Variants in RPS6KA2 observed in about 807,000 individuals in gnomAD.
RPS6KA2 encodes ribosomal protein S6 kinase alpha-2.
A neutral mutation model predicts 91.8 loss-of-function variants in RPS6KA2; 42 were observed. That is an observed-to-expected ratio of 0.46 (90% CI 0.36 to 0.59). The LOEUF (loss-of-function observed/expected upper bound fraction) is 0.59. Among genes scored for constraint, RPS6KA2 ranks in the 20% least tolerant of loss-of-function variants. The pLI is 0.00. For synonymous variants in RPS6KA2, 414 were observed against 393.6 expected (o/e 1.05, Z -0.61); for missense variants, 798 against 978.5 (o/e 0.82, Z 2.46).
intron 1 of RPS6KA2, among the ~76,000 whole-genome samples, chr6:166,619,358 A>T (rs897169798): frequency 6.6e-6 from 1 of 152,250 alleles, no homozygotes; most frequent in African/African-American, 2.4e-5. Context: ...CTAAAAATAA[A>T]TGCTCTTTTG....
intron 12 of RPS6KA2, among the ~76,000 whole-genome samples, chr6:166,457,797 C>T (rs1007335082): frequency 2.0e-5 from 3 of 152,220 alleles, no homozygotes; most frequent in African/African-American, 7.2e-5. Context: ...GGGATTTCAC[C>T]AACAGCTGAA....
chr6:166,600,752 T>G (rs1454278086), intron 1 of RPS6KA2, among the ~76,000 whole-genome samples: 2 of 152,248 alleles, frequency 1.3e-5, no homozygotes, highest in Non-Finnish European at 2.9e-5. Flanking sequence ...AAAATGAAAT[T>G]TCAGATGTGT....
At chr6:166,538,920 C>A in intron 1 of RPS6KA2, 136 bp from the exon 2 acceptor site, 1 of 549,440 alleles carries the variant, frequency 1.8e-6, no homozygotes, top group Admixed American at 2.7e-5. Flanking sequence ...AGTGGAGACA[C>A]CATTTAGTTG....
chr6:166,717,472 G>A (rs1436327574), intron 2 of RPS6KA2, among the ~76,000 whole-genome samples: 3 of 152,212 alleles, frequency 2.0e-5, no homozygotes. Context: ...AGAATGGGAA[G>A]AAGGCCAGGG....
At chr6:166,807,271 T>C (rs1049690463) in intron 2 of RPS6KA2, among the ~76,000 whole-genome samples, 4 of 152,214 alleles carry the variant, frequency 2.6e-5, no homozygotes, top group African/African-American at 7.2e-5. Flanking sequence ...AGTTCTCATC[T>C]TTCCTGACAC....
chr6:166,830,765 C>T (rs771562773), intron 2 of RPS6KA2, among the ~76,000 whole-genome samples: 1 of 152,212 alleles, frequency 6.6e-6, no homozygotes, highest in Non-Finnish European at 1.5e-5. Flanking sequence ...GGGCTGAAAC[C>T]TGTGTTACTG....
intron 2 of RPS6KA2, among the ~76,000 whole-genome samples, chr6:166,745,085 A>G (rs1220367721): frequency 6.6e-6 from 1 of 150,736 alleles, no homozygotes; most frequent in Non-Finnish European, 1.5e-5. Flanking sequence ...GGCTTTGGAG[A>G]CAGTGTCCTT....
intron 3 of RPS6KA2, among the ~76,000 whole-genome samples, chr6:166,526,741 T>A (rs80335587): frequency 0.014 from 2,066 of 152,272 alleles, 15 homozygotes; most frequent in Non-Finnish European, 0.022. Flanking sequence ...TACAAAAAAA[T>A]TAGAGATATT....
At chr6:166,727,315 AACAAAC>A (rs1044037873) in intron 2 of RPS6KA2, among the ~76,000 whole-genome samples, 6 of 136,600 alleles carry the variant, frequency 4.4e-5, no homozygotes, top group Non-Finnish European at 7.4e-5. Flanking sequence ...TACTTAAACA[AACAAAC>A]ACACACACAC....
intron 2 of RPS6KA2, among the ~76,000 whole-genome samples, chr6:166,682,995 G>A (rs1562380915): frequency 6.6e-6 from 1 of 152,184 alleles, no homozygotes; most frequent in Admixed American, 6.5e-5. Context: ...GAAATGCAAC[G>A]AGAAACTAGG....
At position 166,553,756 on chromosome 6, in the gene RPS6KA2, C is replaced by A. The variant is rs1784092677; in HGVS notation, c.100-14972G>T. Among the ~76,000 whole-genome samples, 4 of 152,222 alleles carry A rather than the reference C, an allele frequency of 2.6e-5. No homozygotes were observed. The South Asian group carries it at 6.2e-4, about 24-fold the overall frequency. The stretch of plus-strand genomic sequence containing the variant: ...AGGGCACTGCTTTAAACAGACTTGG[C>A]TAATTTCTGCACCCATTACAAGCTG... On this transcript the variant is annotated intron_variant, in intron 1 of 20. Transcript: ENST00000265678.
intron 2 of RPS6KA2, among the ~76,000 whole-genome samples, chr6:166,798,289 C>T (rs944494061): frequency 1.3e-5 from 2 of 152,190 alleles, no homozygotes; most frequent in African/African-American, 4.8e-5. Context: ...GAAGGTGCAG[C>T]CCAGCTCAGG....
chr6:166,743,372 G>A (rs1426788707), intron 2 of RPS6KA2, among the ~76,000 whole-genome samples: 3 of 152,152 alleles, frequency 2.0e-5, no homozygotes, highest in South Asian at 2.1e-4. Flanking sequence ...CCCACAGAAC[G>A]CCCAGCAACC....
chr6:166,475,974 G>T (rs1434340156), intron 10 of RPS6KA2: 1 of 379,126 alleles, frequency 2.6e-6, no homozygotes, highest in African/African-American at 2.1e-5. Flanking sequence ...CCCCAAATTT[G>T]TATGCTGAAG....
At chr6:166,702,787 A>G in intron 2 of RPS6KA2, 2 of 1,105,758 alleles carry the variant, frequency 1.8e-6, no homozygotes, top group Non-Finnish European at 2.8e-6. Context: ...GATACCTTCT[A>G]GGTCCAAGGG....
intron 2 of RPS6KA2, among the ~76,000 whole-genome samples, chr6:166,756,091 C>T (rs942732352): frequency 5.9e-5 from 9 of 152,000 alleles, no homozygotes; most frequent in Non-Finnish European, 1.3e-4. Flanking sequence ...GAGATGGAGA[C>T]CATCCTGGCT....
At chr6:166,690,849 C>T (rs1216472063) in intron 2 of RPS6KA2, among the ~76,000 whole-genome samples, 1 of 152,036 alleles carries the variant, frequency 6.6e-6, no homozygotes, top group Non-Finnish European at 1.5e-5. Context: ...AATCTCTGAC[C>T]ACGGAGACCC....
chr6:166,691,054 C>T (rs373631657), intron 2 of RPS6KA2, among the ~76,000 whole-genome samples: 3 of 152,136 alleles, frequency 2.0e-5, no homozygotes, highest in Non-Finnish European at 4.4e-5. Context: ...TAAACCATAA[C>T]GAAAATAGAA....
intron 2 of RPS6KA2, among the ~76,000 whole-genome samples, chr6:166,748,593 T>C (rs1488474617): frequency 2.6e-5 from 1 of 37,798 alleles, no homozygotes; most frequent in South Asian, 1.1e-3. Flanking sequence ...GGCCCCCATT[T>C]CCTCAGGCCC....
Sources: gnomAD v4.1 joint callset for allele counts (sites outside exome capture counted in the v4.1 genomes callset) on GRCh38, gnomAD v4.1.1 for gene constraint, MANE v1.5 for transcripts, NCBI Gene and HGNC (gene_info 2026-07-23, HGNC 2026-07-21) for gene names.